The following CDC37L1 variants were observed in gnomAD, a reference collection of about 807,000 sequenced individuals.
The protein encoded by CDC37L1 is hsp90 co-chaperone Cdc37-like 1.
Under a neutral mutation model 45.9 loss-of-function variants are expected in CDC37L1, and 32 were observed. The observed-to-expected ratio is 0.70, with a 90% CI of 0.53 to 0.94. CDC37L1 has a LOEUF of 0.94. Ranked by LOEUF, CDC37L1 falls within the 40% of genes least tolerant of loss-of-function variation. The pLI, the probability that CDC37L1 is intolerant of heterozygous loss-of-function variation, is 0.00. For missense variants in CDC37L1, 434 were observed against 405.7 expected (o/e 1.07, Z -0.60); for synonymous variants, 150 against 133.0 (o/e 1.13, Z -0.88).
intron 1 of CDC37L1, 22 bp downstream of exon 1, chr9:4,679,921 G>A: frequency 6.2e-7 from 1 of 1,612,986 alleles, no homozygotes; most frequent in Non-Finnish European, 8.5e-7. Context: ...CCTGCGTTCT[G>A]CGGAGGGATG....
intron 2 of CDC37L1, among the ~76,000 whole-genome samples, chr9:4,686,352 C>T (rs1841247226): frequency 6.6e-6 from 1 of 152,178 alleles, no homozygotes. Context: ...TTTCTCTGTG[C>T]CTGTACTAAT....
chr9:4,680,320 T>G (rs915379067), intron 1 of CDC37L1, among the ~76,000 whole-genome samples: 4 of 152,234 alleles, frequency 2.6e-5, no homozygotes, highest in African/African-American at 9.6e-5. Flanking sequence ...GAACAGTGAA[T>G]GATTGTAGTT....
chr9:4,695,822 G>T (rs1587620920), intron 3 of CDC37L1, among the ~76,000 whole-genome samples: 1 of 152,086 alleles, frequency 6.6e-6, no homozygotes, highest in African/African-American at 2.4e-5. Context: ...AGAGTCTCTC[G>T]CTCTGTCGCC....
chr9:4,706,052 C>G lies in CDC37L1; in HGVS notation c.954C>G (p.Cys318Trp), dbSNP rs773601212. Residue 318 changes from cysteine (C) to tryptophan (W), a missense_variant, in exon 7 of 7, where the codon TGC becomes TGG. Physicochemically the swap from Cys to Trp is radical, Grantham distance 215. Transcript: ENST00000381854. The stretch of plus-strand genomic sequence containing the variant: ...AGTATTCTATCAGTACAGCTCTCTG[C>G]AGCTTAAACTCGGTGGTACATAAAG... ...YLQYSISTAL[C>W]SLNSVVHKED... 4 of 1,604,708 alleles carry G rather than the reference C, an allele frequency of 2.5e-6. No homozygotes were observed. The South Asian group carries it at 4.4e-5, about 18-fold the overall frequency.
intron 2 of CDC37L1, 66 bp downstream of exon 2, chr9:4,685,224 C>A: frequency 8.2e-7 from 1 of 1,220,872 alleles, no homozygotes; most frequent in Non-Finnish European, 1.2e-6. Context: ...ACCAGTTGTG[C>A]GTATTTGGTA....
chr9:4,689,547 A>C (rs1379610223), intron 3 of CDC37L1, among the ~76,000 whole-genome samples: 1 of 152,076 alleles, frequency 6.6e-6, no homozygotes, highest in Non-Finnish European at 1.5e-5. Flanking sequence ...TAAAATATTC[A>C]CTTTGCTCAT....
chr9:4,699,011 T>C (rs1411980248), intron 5 of CDC37L1, among the ~76,000 whole-genome samples: 1 of 152,180 alleles, frequency 6.6e-6, no homozygotes, highest in Non-Finnish European at 1.5e-5. Flanking sequence ...TAGTTAATGT[T>C]TTAAAAATTC....
intron 3 of CDC37L1, among the ~76,000 whole-genome samples, chr9:4,696,759 A>T (rs1404564431): frequency 6.6e-6 from 1 of 152,244 alleles, no homozygotes; most frequent in Non-Finnish European, 1.5e-5. Flanking sequence ...TAAATGGCTT[A>T]CATAACTAAC....
chr9:4,697,122 C>A lies in CDC37L1; in HGVS notation c.535C>A (p.Gln179Lys). The change falls in exon 4 of 7, where the codon CAG (glutamine) becomes AAG (lysine). Residue 179 changes from glutamine to lysine, a missense_variant. Coordinates refer to ENST00000381854, the MANE Select transcript of CDC37L1 (RefSeq NM_017913.4). Reference sequence around the variant, plus strand: ...TATGTTGAGTCGATGGGATGATAGCCAGAGATTTTTGTCTGACCATCCATA... The same window carrying A: ...TATGTTGAGTCGATGGGATGATAGCAAGAGATTTTTGTCTGACCATCCATA... Reference protein sequence around the residue: ...FGMLSRWDDSQRFLSDHPYLV... With the variant: ...FGMLSRWDDSKRFLSDHPYLV... 1.3e-6 allele frequency: 2 copies of A among 1,564,518 alleles called. No homozygotes were observed. The highest frequency in any genetic ancestry group is 1.1e-5 in the South Asian group (1 of 89,408).
chr9:4,680,065 G>A (rs1434004123), intron 1 of CDC37L1, among the ~76,000 whole-genome samples, 166 bp downstream of exon 1: 1 of 152,134 alleles, frequency 6.6e-6, no homozygotes, highest in East Asian at 1.9e-4. Context: ...CCCCTTTTAT[G>A]GCATCTTCGG....
chr9:4,702,888 C>CA (rs397829063), intron 6 of CDC37L1, among the ~76,000 whole-genome samples: 19,259 of 42,548 alleles, frequency 0.45, 4,645 homozygotes, highest in East Asian at 0.63. Context: ...GACTCCGTCT[C>CA]AAAAAAAAAA....
intron 6 of CDC37L1, among the ~76,000 whole-genome samples, chr9:4,705,312 G>A (rs189904010): frequency 1.6e-4 from 25 of 152,264 alleles, no homozygotes; most frequent in Admixed American, 4.6e-4. Flanking sequence ...TGGGTCTTAA[G>A]GGCTATACCC....
chr9:4,685,057 C>G lies in CDC37L1; in HGVS notation c.313C>G (p.Gln105Glu). The change falls in exon 2 of 7, where the codon CAA becomes GAA. Residue 105 changes from glutamine to glutamate, a missense_variant. Physicochemically the swap from Gln to Glu is conservative, Grantham distance 29. Coordinates refer to ENST00000381854, the MANE Select transcript of CDC37L1 (RefSeq NM_017913.4). The part of the protein sequence containing the change: ...KAQTAVSELR[Q>E]REEEWRQKEE... ...ACAAACAGCAGTATCAGAACTGAGG[C>G]AACGGGAAGAAGAGTGGCGACAGAA... 2 of 1,613,856 alleles carry G rather than the reference C, an allele frequency of 1.2e-6. No homozygotes were observed. The highest frequency in any genetic ancestry group is 1.7e-6 in the Non-Finnish European group (2 of 1,179,826).
At chr9:4,690,626 A>G (rs1458050599) in intron 3 of CDC37L1, among the ~76,000 whole-genome samples, 2 of 152,232 alleles carry the variant, frequency 1.3e-5, no homozygotes, top group Non-Finnish European at 2.9e-5. Context: ...CAGGTGATTA[A>G]TAAGCAATCA....
intron 5 of CDC37L1, among the ~76,000 whole-genome samples, chr9:4,699,284 G>A (rs1393888069): frequency 6.6e-6 from 1 of 152,104 alleles, no homozygotes; most frequent in Admixed American, 6.6e-5. Flanking sequence ...TTTGAGCATC[G>A]ACATGACACT....
chr9:4,694,603 T>G (rs1841329642), intron 3 of CDC37L1, among the ~76,000 whole-genome samples: 1 of 152,206 alleles, frequency 6.6e-6, no homozygotes, highest in Non-Finnish European at 1.5e-5. Context: ...CAGGGAGTGG[T>G]GGCTCACACC....
At chr9:4,703,618 G>A (rs544570647) in intron 6 of CDC37L1, among the ~76,000 whole-genome samples, 1 of 152,160 alleles carries the variant, frequency 6.6e-6, no homozygotes, top group Non-Finnish European at 1.5e-5. Flanking sequence ...CAATTAAAAT[G>A]TCACATAATG....
chr9:4,683,105 A>G (rs1357820335), intron 1 of CDC37L1, among the ~76,000 whole-genome samples: 2 of 143,960 alleles, frequency 1.4e-5, no homozygotes, highest in Non-Finnish European at 3.0e-5. Flanking sequence ...TTATTTTTAT[A>G]TATAAAATAT....
rs1012953697 is a variant in CDC37L1 at position 4,705,550 on chromosome 9, A to G, written c.913-461A>G. On this transcript the variant is annotated intron_variant, in intron 6 of 6. Coordinates refer to ENST00000381854, the MANE Select transcript of CDC37L1 (RefSeq NM_017913.4). ...TTTAACCTTTGGGAAACCACAATAG[A>G]CCCTGAAGATATCCATAATTTTTAC... Among the ~76,000 whole-genome samples the G allele has an allele frequency of 5.3e-5, 8 of 152,232 alleles. No individual in the cohort carries two copies. In the South Asian group the frequency reaches 6.2e-4, roughly 12 times the overall value.
Sources: allele counts gnomAD v4.1 joint callset (sites outside exome capture counted in the v4.1 genomes callset), GRCh38; gene constraint gnomAD v4.1.1; transcripts MANE v1.5; gene names NCBI Gene and HGNC (gene_info 2026-07-23, HGNC 2026-07-21).